The following RAI1 variants were observed in gnomAD, a reference collection of about 807,000 sequenced individuals.
RAI1 encodes retinoic acid-induced protein 1.
RAI1 carries 9 observed loss-of-function variants against 123.8 expected under a neutral mutation model. The observed-to-expected ratio is 0.07, with a 90% CI of 0.04 to 0.13. The LOEUF is 0.13. Among genes scored for constraint, RAI1 ranks in the 10% least tolerant of loss-of-function variants. The pLI is 1.00. For missense variants in RAI1, 2,256 were observed against 2,545.8 expected, an observed-to-expected ratio of 0.89 and a Z score of 2.45; for synonymous variants, 1,231 against 1,127.3, an observed-to-expected ratio of 1.09 and a Z score of -1.84.
At chr17:17,736,174 G>A (rs750247257) in intron 2 of RAI1, among the ~76,000 whole-genome samples, 19 of 152,124 alleles carry the variant, frequency 1.2e-4, no homozygotes, top group Non-Finnish European at 2.5e-4. Context: ...TGTGCACTTG[G>A]GCCAGTGGAG....
intron 2 of RAI1, among the ~76,000 whole-genome samples, chr17:17,785,728 C>T (rs536046461): frequency 6.6e-5 from 10 of 152,298 alleles, no homozygotes; most frequent in South Asian, 2.1e-4. Context: ...CTGCCTCCCC[C>T]CTGAGCCCAG....
At chr17:17,702,027 C>T (rs953506863) in intron 1 of RAI1, among the ~76,000 whole-genome samples, 1 of 152,224 alleles carries the variant, frequency 6.6e-6, no homozygotes, top group Non-Finnish European at 1.5e-5. Context: ...TCTTTGAGCT[C>T]AAACTGGGAA....
Position 17,796,641 on chromosome 17 carries a change from G to C in RAI1, c.3693G>C (p.Pro1231=). ...ALKRKSAFMA[P]VPTKKRNLVL... is the part of the protein sequence containing the mutation. ...AAAGGAAGTCGGCCTTCATGGCGCCGGTCCCCACCAAGAAGCGGAACCTGG... is the reference window on the plus strand; with the variant it reads ...AAAGGAAGTCGGCCTTCATGGCGCCCGTCCCCACCAAGAAGCGGAACCTGG... Residue 1231 remains proline (P), a synonymous_variant, in exon 3 of 6, where the codon CCG becomes CCC. Transcript: ENST00000353383. This position sits in a 1 kb window ranked among gnomAD's most constrained non-coding sequence, Gnocchi z 5.8. 6.2e-7 allele frequency: 1 copy of C among 1,612,014 alleles called. No individual in the cohort carries two copies. The highest frequency in any genetic ancestry group is 8.5e-7 in the Non-Finnish European group (1 of 1,179,246).
intron 2 of RAI1, among the ~76,000 whole-genome samples, chr17:17,748,657 G>A (rs1264554371): frequency 1.3e-5 from 2 of 152,222 alleles, no homozygotes; most frequent in Non-Finnish European, 2.9e-5. Context: ...TAGAAAAGGT[G>A]TAGGAGGATG....
At chr17:17,745,875 G>A (rs1003488093) in intron 2 of RAI1, among the ~76,000 whole-genome samples, 2 of 152,222 alleles carry the variant, frequency 1.3e-5, no homozygotes, top group Non-Finnish European at 2.9e-5. Context: ...GTGGCCGGAG[G>A]AGAGGGGCAG....
intron 1 of RAI1, among the ~76,000 whole-genome samples, chr17:17,708,109 C>G (rs1915447199): frequency 6.6e-6 from 1 of 152,178 alleles, no homozygotes; most frequent in African/African-American, 2.4e-5. Flanking sequence ...AATGGGCACC[C>G]CAGGCCTCTC....
intron 2 of RAI1, chr17:17,778,414 C>G: frequency 3.6e-6 from 1 of 275,046 alleles, no homozygotes; most frequent in Non-Finnish European, 7.2e-6. Context: ...CCCATTTCGT[C>G]CCACAACAGC....
At chr17:17,726,184 G>A (rs1916084461) in intron 2 of RAI1, among the ~76,000 whole-genome samples, 1 of 152,180 alleles carries the variant, frequency 6.6e-6, no homozygotes, top group Admixed American at 6.5e-5. Flanking sequence ...ACAAGCCAGG[G>A]CCATCGGAAA....
chr17:17,698,863 A>G (rs1316105354), intron 1 of RAI1, among the ~76,000 whole-genome samples: 2 of 152,226 alleles, frequency 1.3e-5, no homozygotes, highest in Admixed American at 1.3e-4. Context: ...ATCTGGATGG[A>G]CACACAAAAT....
chr17:17,721,667 G>A (rs113838965), intron 1 of RAI1, among the ~76,000 whole-genome samples: 8 of 152,164 alleles, frequency 5.3e-5, no homozygotes, highest in African/African-American at 1.7e-4. Context: ...ATCCCCAGCG[G>A]GCATTTGGGC....
At chr17:17,741,530 C>T (rs1454268593) in intron 2 of RAI1, among the ~76,000 whole-genome samples, 1 of 152,230 alleles carries the variant, frequency 6.6e-6, no homozygotes. Flanking sequence ...GTGCGGGACT[C>T]GTCCTCGGCT....
intron 2 of RAI1, among the ~76,000 whole-genome samples, chr17:17,740,353 C>T (rs911230397): frequency 1.3e-5 from 2 of 152,184 alleles, no homozygotes; most frequent in African/African-American, 2.4e-5. Context: ...TGTTCCTCTT[C>T]CTCAGAAACA....
chr17:17,809,581 C>G lies in RAI1; in HGVS notation c.5709+142C>G. The G allele has an allele frequency of 2.2e-6, 2 of 906,106 alleles. No homozygotes were observed. Among genetic ancestry groups the G allele is most frequent in the Non-Finnish European group, 3.4e-6 (2 of 593,690 alleles). The allele number at this position is 906,106 out of a possible 1,614,324, so 56.1% of individuals were successfully genotyped here. A position where few individuals can be genotyped will look rare whatever the true frequency, so the allele number is the denominator to read the frequency against. On this transcript the variant is annotated intron_variant, in intron 5 of 5. Coordinates refer to ENST00000353383, the MANE Select transcript of RAI1 (RefSeq NM_030665.4). This position sits in a 1 kb window ranked among gnomAD's most constrained non-coding sequence, Gnocchi z 4.9. ...CCCTAGGGGAGGGAGCTCTCCCCGC[C>G]CACCCCCAGGAGCCCCCGCCGCCGT...
intron 4 of RAI1, among the ~76,000 whole-genome samples, chr17:17,807,999 C>T (rs2032628145): frequency 6.6e-6 from 1 of 152,222 alleles, no homozygotes; most frequent in Non-Finnish European, 1.5e-5. Context: ...CCTGCCCTGC[C>T]TTCTGGCCAC....
At chr17:17,808,429 T>TTATGTTATGTTATGTTATG (rs2032642145) in intron 4 of RAI1, among the ~76,000 whole-genome samples, 1 of 114,156 alleles carries the variant, frequency 8.8e-6, no homozygotes, top group African/African-American at 3.5e-5. Context: ...TTTATTTTAT[T>TTATGTTATGTTATGTTATG]TTATTTTATT....
intron 2 of RAI1, among the ~76,000 whole-genome samples, chr17:17,727,820 T>C (rs1916142222): frequency 6.6e-6 from 1 of 151,786 alleles, no homozygotes; most frequent in Admixed American, 6.6e-5. Flanking sequence ...TTAAAATCTC[T>C]CTCTGGCCCG....
intron 1 of RAI1, among the ~76,000 whole-genome samples, 172 bp downstream of exon 1, chr17:17,681,965 G>C (rs973311536): frequency 3.3e-4 from 50 of 151,666 alleles, no homozygotes; most frequent in African/African-American, 1.1e-3. Context: ...TGTGTGGTGT[G>C]GGGGGTGCGC....
chr17:17,686,568 CGTGTGTGTGTGTGTGTGTGTGTGTGTGT>C (rs58906330), intron 1 of RAI1, among the ~76,000 whole-genome samples: 4 of 124,430 alleles, frequency 3.2e-5, no homozygotes, highest in Non-Finnish European at 5.1e-5. Flanking sequence ...TTCTTGAACC[CGTGTGTGTGTGTGTGTGTGTGTGTGTGT>C]GTGTGTGTGT....
chr17:17,700,260 C>T (rs918748153), intron 1 of RAI1, among the ~76,000 whole-genome samples: 1 of 152,190 alleles, frequency 6.6e-6, no homozygotes, highest in Non-Finnish European at 1.5e-5. Context: ...CCTGTGAAAC[C>T]TCTGGCTCTC....
Sources: gnomAD v4.1 joint callset for allele counts (sites outside exome capture counted in the v4.1 genomes callset) on GRCh38, gnomAD v4.1.1 for gene constraint, Gnocchi (gnomAD v3.1) non-coding constraint, MANE v1.5 for transcripts, NCBI Gene and HGNC (gene_info 2026-07-23, HGNC 2026-07-21) for gene names.